Variants in CDH18 observed in about 807,000 individuals in gnomAD.
CDH18 encodes cadherin-18.
In CDH18, 31 loss-of-function variants were observed where a neutral mutation model predicts 67.9. The observed-to-expected ratio is 0.46, with a 90% CI of 0.34 to 0.62. The LOEUF is 0.62. Ranked by LOEUF, CDH18 falls within the 20% of genes least tolerant of loss-of-function variation. The pLI is 0.01. For synonymous variants in CDH18, 362 were observed against 347.2 expected, an observed-to-expected ratio of 1.04 and a Z score of -0.48; for missense variants, 890 against 975.5, an observed-to-expected ratio of 0.91 and a Z score of 1.17.
intron 5 of CDH18, among the ~76,000 whole-genome samples, chr5:19,711,416 C>T (rs575288876): frequency 6.6e-6 from 1 of 151,620 alleles, no homozygotes; most frequent in Admixed American, 6.6e-5. Context: ...ACAACAACAA[C>T]AACAACAAAC....
intron 10 of CDH18, among the ~76,000 whole-genome samples, chr5:19,520,445 A>C (rs2126898941): frequency 6.6e-6 from 1 of 152,254 alleles, no homozygotes; most frequent in Admixed American, 6.5e-5. Context: ...GAATGAATTC[A>C]TTTTTCTGAG....
At chr5:20,152,919 T>C (rs1751233831) in intron 2 of CDH18, among the ~76,000 whole-genome samples, 1 of 151,360 alleles carries the variant, frequency 6.6e-6, no homozygotes, top group African/African-American at 2.4e-5. Context: ...AATCCATATA[T>C]AGACAACTAA....
intron 1 of CDH18, among the ~76,000 whole-genome samples, chr5:20,448,814 T>G (rs915990838): frequency 3.3e-5 from 5 of 152,122 alleles, no homozygotes; most frequent in African/African-American, 1.2e-4. Context: ...TGTTTTCCGA[T>G]TAACCAAAAC....
intron 3 of CDH18, among the ~76,000 whole-genome samples, chr5:19,749,125 A>G (rs1770501238): frequency 1.3e-5 from 2 of 152,036 alleles, no homozygotes; most frequent in Non-Finnish European, 2.9e-5. Context: ...GAAAAGATTC[A>G]TCTTTCATGA....
intron 1 of CDH18, among the ~76,000 whole-genome samples, chr5:20,504,944 T>C (rs1754567242): frequency 6.6e-6 from 1 of 151,980 alleles, no homozygotes; most frequent in East Asian, 1.9e-4. Context: ...ATTTTTTGTA[T>C]ATTTAGTAGA....
chr5:20,296,978 T>C (rs985406933), intron 1 of CDH18, among the ~76,000 whole-genome samples: 1 of 151,950 alleles, frequency 6.6e-6, no homozygotes, highest in Non-Finnish European at 1.5e-5. Flanking sequence ...TGTAAATTTA[T>C]TTTATATTTA....
chr5:20,246,763 A>G (rs1282504220), intron 2 of CDH18, among the ~76,000 whole-genome samples: 1 of 152,228 alleles, frequency 6.6e-6, no homozygotes, highest in African/African-American at 2.4e-5. Context: ...TTCCTCATCC[A>G]TAAAACAAAC....
chr5:19,921,298 A>G (rs543692050), intron 2 of CDH18, among the ~76,000 whole-genome samples: 24 of 152,228 alleles, frequency 1.6e-4, no homozygotes, highest in South Asian at 6.2e-4. Flanking sequence ...TTGGGAGGCC[A>G]AGGCGGGCGG....
Position 20,149,248 on chromosome 5 carries a change from A to G in CDH18, c.-518+106196T>C, listed in dbSNP as rs1025551157. Among the ~76,000 whole-genome samples the G allele has an allele frequency of 4.3e-4, 65 of 152,134 alleles. 1 individual carries two copies. The highest frequency in any genetic ancestry group is 1.1e-3 in the African/African-American group (47 of 41,424). ...ATATTTACCCTAATTGTTCATTGTT[A>G]CCTTCACTATATAAATACAGTTCTC... On this transcript the variant is annotated intron_variant, in intron 2 of 14. Transcript: ENST00000507958.
At chr5:20,025,553 C>T (rs927509380) in intron 2 of CDH18, among the ~76,000 whole-genome samples, 1 of 152,128 alleles carries the variant, frequency 6.6e-6, no homozygotes, top group African/African-American at 2.4e-5. Flanking sequence ...AAAACAACTA[C>T]AGTTTAATCT....
At chr5:19,801,122 C>T (rs376075613) in intron 3 of CDH18, among the ~76,000 whole-genome samples, 20 of 151,984 alleles carry the variant, frequency 1.3e-4, no homozygotes, top group African/African-American at 4.8e-4. Flanking sequence ...AGAACAACAA[C>T]AATGAAAATA....
intron 2 of CDH18, among the ~76,000 whole-genome samples, chr5:19,951,917 A>G (rs1001977647): frequency 3.3e-5 from 5 of 152,168 alleles, no homozygotes; most frequent in African/African-American, 1.2e-4. Context: ...GCAAGTCACT[A>G]ATTCTCAACT....
intron 2 of CDH18, among the ~76,000 whole-genome samples, chr5:19,953,938 T>C (rs1257204118): frequency 6.6e-6 from 1 of 152,198 alleles, no homozygotes; most frequent in African/African-American, 2.4e-5. Flanking sequence ...GAAAAAGGAA[T>C]ATATTTTCAC....
At chr5:20,330,039 C>T (rs1470923443) in intron 1 of CDH18, among the ~76,000 whole-genome samples, 3 of 151,786 alleles carry the variant, frequency 2.0e-5, no homozygotes, top group African/African-American at 4.8e-5. Flanking sequence ...GTGTTACCAA[C>T]CCCCAAATCA....
intron 5 of CDH18, among the ~76,000 whole-genome samples, chr5:19,655,308 T>C (rs574968773): frequency 2.5e-4 from 38 of 152,212 alleles, no homozygotes; most frequent in South Asian, 1.0e-3. Flanking sequence ...AAGAATTGCA[T>C]TTGAAATCAT....
At chr5:20,532,382 A>G (rs1479101001) in intron 1 of CDH18, among the ~76,000 whole-genome samples, 2 of 152,126 alleles carry the variant, frequency 1.3e-5, no homozygotes, top group Non-Finnish European at 2.9e-5. Flanking sequence ...CTTCCCTGAG[A>G]GTCTCTTTTT....
At chr5:20,550,622 A>G (rs1295067249) in intron 1 of CDH18, among the ~76,000 whole-genome samples, 1 of 152,100 alleles carries the variant, frequency 6.6e-6, no homozygotes, top group Admixed American at 6.6e-5. Flanking sequence ...CATCATAAAT[A>G]CTCCTAGTTA....
intron 2 of CDH18, among the ~76,000 whole-genome samples, chr5:19,914,686 A>G (rs1423480929): frequency 3.9e-5 from 6 of 152,152 alleles, no homozygotes; most frequent in African/African-American, 1.4e-4. Context: ...AAAGAATCAA[A>G]TAATCAATTT....
At chr5:20,267,935 G>A (rs540585331) in intron 1 of CDH18, among the ~76,000 whole-genome samples, 142 of 152,154 alleles carry the variant, frequency 9.3e-4, no homozygotes, top group Non-Finnish European at 1.5e-3. Flanking sequence ...GTAGTTTCTC[G>A]GCTTTTCCTC....
Sources: gnomAD v4.1 joint callset for allele counts (sites outside exome capture counted in the v4.1 genomes callset) on GRCh38, gnomAD v4.1.1 for gene constraint, MANE v1.5 for transcripts, NCBI Gene and HGNC (gene_info 2026-07-23, HGNC 2026-07-21) for gene names.